The following FHIP2B variants were observed in gnomAD, a reference collection of about 807,000 sequenced individuals.
FHIP2B encodes FHF complex subunit HOOK interacting protein 2B.
A neutral mutation model predicts 84.0 loss-of-function variants in FHIP2B; 72 were observed. That is an observed-to-expected ratio of 0.86 (90% CI 0.71 to 1.04). The LOEUF (loss-of-function observed/expected upper bound fraction) is 1.04, where lower values mean the gene tolerates loss of function less well. Ranked by LOEUF, FHIP2B falls within the 50% of genes least tolerant of loss-of-function variation. FHIP2B has a pLI of 0.00. For synonymous variants in FHIP2B, 497 were observed against 418.7 expected (o/e 1.19, Z -2.28); for missense variants, 972 against 968.9 (o/e 1.00, Z -0.04).
At position 22,099,016 on chromosome 8, in the gene FHIP2B, G is replaced by A. The variant is rs771964201; in HGVS notation, c.1034G>A (p.Trp345Ter). Residue 345 changes from tryptophan to a stop codon, truncating the protein, a stop_gained, in exon 8 of 17, where the codon TGG becomes TAG. Coordinates refer to ENST00000289921, the MANE Select transcript of FHIP2B (RefSeq NM_022749.7). LOFTEE classifies it high-confidence loss of function. ...GKEALAAFLG[W>*]FDYCDHLITE... ...GAGGCCTTGGCTGCCTTCTTGGGCT[G>A]GTTTGATTACTGCGACCACCTCATC... The A allele has an allele frequency of 3.7e-6, 6 of 1,607,706 alleles. No individual in the cohort carries two copies. The highest frequency in any genetic ancestry group is 1.3e-5 in the African/African-American group (1 of 74,848).
chr8:22,101,667 A>G (rs774157690), intron 13 of FHIP2B, 41 bp from the exon 14 acceptor site: 80 of 1,576,658 alleles, frequency 5.1e-5, no homozygotes, highest in Middle Eastern at 5.0e-4. Flanking sequence ...GCTGGTTCCC[A>G]GTCCCCAGGC....
chr8:22,096,759 G>T, intron 3 of FHIP2B: 2 of 453,658 alleles, frequency 4.4e-6, no homozygotes, highest in East Asian at 4.0e-5. Context: ...CAAACAGGAC[G>T]GGCACTGTGG....
intron 2 of FHIP2B, chr8:22,094,777 G>C (rs1825676860): frequency 7.8e-7 from 1 of 1,284,994 alleles, no homozygotes; most frequent in Non-Finnish European, 9.9e-7. Context: ...CTGGTTGGGG[G>C]TCTCACTGGC....
At position 22,098,270 on chromosome 8, in the gene FHIP2B, G is replaced by A. The variant is rs753837133; in HGVS notation, c.728G>A (p.Ser243Asn). ...TEELDGGTTESNLITSLLGLC... is the reference protein window; with the variant it reads ...TEELDGGTTENNLITSLLGLC... Reference sequence around the variant, plus strand: ...GAGCTGGACGGTGGGACCACAGAGAGCAACCTGATTACCTCCCTGCTTGGG... The same window carrying A: ...GAGCTGGACGGTGGGACCACAGAGAACAACCTGATTACCTCCCTGCTTGGG... The change falls in exon 6 of 17, where the codon AGC becomes AAC. Residue 243 changes from serine to asparagine, a missense_variant. By Grantham distance (46) the Ser-to-Asn change is conservative. Transcript: ENST00000289921. 13 of 1,541,392 alleles carry A rather than the reference G, an allele frequency of 8.4e-6. No homozygotes were observed. The East Asian group carries it at 1.3e-4, about 15-fold the overall frequency.
intron 14 of FHIP2B, 114 bp downstream of exon 14, chr8:22,101,965 C>G: frequency 6.6e-7 from 1 of 1,507,274 alleles, no homozygotes; most frequent in Non-Finnish European, 8.9e-7. Context: ...CCACCCCTGT[C>G]CTTTCCCCAG....
chr8:22,089,247 C>T lies in FHIP2B; in HGVS notation c.-7C>T, dbSNP rs1825328897. The T allele has an allele frequency of 1.2e-5, 13 of 1,059,858 alleles. No individual in the cohort carries two copies. The highest frequency in any genetic ancestry group is 1.5e-5 in the Non-Finnish European group (13 of 879,420). 65.7% of individuals were successfully genotyped at this position (1,059,858 alleles called of 1,614,324 possible). ...TTTCGCCCGGGAGCCGGGGGCCGGGCGCCATCATGCTGAGCCGGCTCGGGG... is the reference window on the plus strand; with the variant it reads ...TTTCGCCCGGGAGCCGGGGGCCGGGTGCCATCATGCTGAGCCGGCTCGGGG... On this transcript the variant is annotated 5_prime_UTR_variant, in exon 1 of 17. Transcript: ENST00000289921.
At chr8:22,102,381 G>A (rs896610945) in intron 15 of FHIP2B, 66 bp downstream of exon 15, 8 of 1,582,788 alleles carry the variant, frequency 5.1e-6, no homozygotes, top group Non-Finnish European at 6.0e-6. Flanking sequence ...GAAAGGGAAC[G>A]GGGCAGGTGG....
At chr8:22,090,752 G>A (rs564257112) in intron 1 of FHIP2B, among the ~76,000 whole-genome samples, 2 of 152,274 alleles carry the variant, frequency 1.3e-5, no homozygotes, top group South Asian at 4.1e-4. Flanking sequence ...AGCCTCCTGA[G>A]TAGCTGGGAC....
intron 1 of FHIP2B, among the ~76,000 whole-genome samples, chr8:22,092,991 A>T (rs1250360783): frequency 2.0e-5 from 3 of 152,330 alleles, no homozygotes; most frequent in East Asian, 1.9e-4. Flanking sequence ...TGCTTGTGGC[A>T]TCTAGCATAG....
chr8:22,092,471 T>C (rs1296132310), intron 1 of FHIP2B, among the ~76,000 whole-genome samples: 6 of 151,614 alleles, frequency 4.0e-5, no homozygotes, highest in African/African-American at 1.5e-4. Context: ...TCCCAGCAAC[T>C]TGGGAGGCAG....
chr8:22,089,178 G>A lies in FHIP2B; in HGVS notation c.-76G>A. 1.0e-6 allele frequency: 1 copy of A among 955,562 alleles called. No homozygotes were observed. The highest frequency in any genetic ancestry group is 1.8e-5 in the African/African-American group (1 of 56,642). 59.2% of individuals were successfully genotyped at this position (955,562 alleles called of 1,614,324 possible). A position where few individuals can be genotyped will look rare whatever the true frequency, so the allele number is the denominator to read the frequency against. On this transcript the variant is annotated 5_prime_UTR_variant, in exon 1 of 17. Coordinates refer to ENST00000289921, the MANE Select transcript of FHIP2B (RefSeq NM_022749.7). ...CCCCTCGTCGCGCCGGGGCCGCCGG[G>A]GCCACGGGGCTGCCTCCTCCGCCTA... is the stretch of plus-strand genomic sequence containing the variant.
intron 12 of FHIP2B, 99 bp downstream of exon 12, chr8:22,101,071 A>G: frequency 2.1e-6 from 3 of 1,441,964 alleles, no homozygotes; most frequent in Middle Eastern, 1.9e-4. Flanking sequence ...GATGGAGTGC[A>G]GTGGTACAAT....
chr8:22,094,987 G>T lies in FHIP2B; in HGVS notation c.124+469G>T. On this transcript the variant is annotated intron_variant, in intron 2 of 16. Transcript: ENST00000289921. ...GAACGAAAACCAAGGTGGGTAACAT[G>T]CCTGGGTCCCTCTCTCCAAGCTGAC... 5.3e-6 allele frequency: 4 copies of T among 759,586 alleles called. No individual in the cohort carries two copies. In the South Asian group the frequency reaches 2.0e-4, roughly 38 times the overall value. The allele number at this position is 759,586 out of a possible 1,614,324, so 47.1% of individuals were successfully genotyped here.
intron 1 of FHIP2B, among the ~76,000 whole-genome samples, 178 bp downstream of exon 1, chr8:22,089,476 G>A (rs1170650252): frequency 6.4e-4 from 97 of 151,444 alleles, no homozygotes; most frequent in African/African-American, 2.3e-3. Context: ...GCTTCCCCTC[G>A]CTCTTCCCAG....
At chr8:22,089,833 C>T (rs1336954715) in intron 1 of FHIP2B, 6 of 1,284,440 alleles carry the variant, frequency 4.7e-6, no homozygotes, top group Non-Finnish European at 6.1e-6. Context: ...GCAGGCCCTG[C>T]CGGTCCAAGT....
At chr8:22,092,510 G>T (rs549267040) in intron 1 of FHIP2B, among the ~76,000 whole-genome samples, 2 of 149,346 alleles carry the variant, frequency 1.3e-5, no homozygotes, top group East Asian at 4.0e-4. Context: ...GGAAGCGGAG[G>T]TTACAGTGAG....
At position 22,102,212 on chromosome 8, in the gene FHIP2B, C is replaced by T. The variant is rs1434425631; in HGVS notation, c.1889C>T (p.Ser630Phe). ...SLNLQVTSVL[S>F]RLALFPHPHI... The stretch of plus-strand genomic sequence containing the variant: ...AACCTGCAGGTGACCTCGGTCCTGT[C>T]CCGGCTTGCCCTCTTCCCCCACCCC... Residue 630 changes from serine to phenylalanine, a missense_variant, in exon 15 of 17, where the codon TCC becomes TTC. Physicochemically the swap from Ser to Phe is radical, Grantham distance 155. Coordinates refer to ENST00000289921, the MANE Select transcript of FHIP2B (RefSeq NM_022749.7). 1.2e-6 allele frequency: 2 copies of T among 1,613,560 alleles called. No individual in the cohort carries two copies. Among genetic ancestry groups the T allele is most frequent in the Non-Finnish European group, 1.7e-6 (2 of 1,179,884 alleles).
At chr8:22,095,760 T>C (rs1176911657) in intron 2 of FHIP2B, 1 of 152,288 alleles carries the variant, frequency 6.6e-6, no homozygotes, top group East Asian at 1.9e-4. Context: ...ACTGAGACTC[T>C]GACTGCAAAA....
rs370949407 is a variant in FHIP2B, at chr8:22,100,491, ACT to A, written c.1342-100_1342-99del. 147 of 1,285,998 alleles carry A rather than the reference ACT, an allele frequency of 1.1e-4. No homozygotes were observed. The African/African-American group carries it at 1.9e-3, about 17-fold the overall frequency. 79.7% of individuals were successfully genotyped at this position (1,285,998 alleles called of 1,614,324 possible). A position where few individuals can be genotyped will look rare whatever the true frequency, so the allele number is the denominator to read the frequency against. On this transcript the variant is annotated intron_variant, in intron 10 of 16. Transcript: ENST00000289921. ...CCTTAGCATCCAGCCAAGGGAGGTG[ACT>A]CTGCCTCAGAGGTCTTTTCTTATCT...
Sources: allele counts gnomAD v4.1 joint callset (sites outside exome capture counted in the v4.1 genomes callset), GRCh38; gene constraint gnomAD v4.1.1; transcripts MANE v1.5; gene names NCBI Gene and HGNC (gene_info 2026-07-23, HGNC 2026-07-21).